Variants in SSH2 observed in about 807,000 individuals in gnomAD.
The protein encoded by SSH2 is slingshot protein phosphatase 2, also known as protein phosphatase Slingshot homolog 2.
In SSH2, 37 loss-of-function variants were observed where a neutral mutation model predicts 135.2. The ratio of observed to expected loss-of-function variants is 0.27; its 90% CI spans 0.21 to 0.36. SSH2 has a LOEUF of 0.36. Among genes scored for constraint, SSH2 ranks in the 10% least tolerant of loss-of-function variants. The pLI, the probability that SSH2 is intolerant of heterozygous loss-of-function variation, is 1.00. For missense variants in SSH2, 1,408 were observed against 1,765.3 expected (o/e 0.80, Z 3.63); for synonymous variants, 628 against 646.2 (o/e 0.97, Z 0.43).
At chr17:29,834,515 T>C (rs1390308747) in intron 2 of SSH2, among the ~76,000 whole-genome samples, 2 of 152,150 alleles carry the variant, frequency 1.3e-5, no homozygotes, top group African/African-American at 4.8e-5. Flanking sequence ...CTCTTTGTCA[T>C]GTGTTGAAAG....
chr17:29,762,751 C>T (rs1364807451), intron 3 of SSH2, among the ~76,000 whole-genome samples: 1 of 152,188 alleles, frequency 6.6e-6, no homozygotes, highest in Admixed American at 6.5e-5. Flanking sequence ...ACAAATGGGG[C>T]TGGCATGGTG....
intron 1 of SSH2, among the ~76,000 whole-genome samples, chr17:29,908,772 A>G (rs2066705734): frequency 7.0e-6 from 1 of 142,728 alleles, no homozygotes; most frequent in Non-Finnish European, 1.5e-5. Flanking sequence ...TGAAAAAAAA[A>G]AAAAAAAAAA....
At chr17:29,774,779 G>A (rs1186875495) in intron 3 of SSH2, among the ~76,000 whole-genome samples, 2 of 152,118 alleles carry the variant, frequency 1.3e-5, no homozygotes, top group Non-Finnish European at 2.9e-5. Flanking sequence ...TAATCATCCG[G>A]TCATGAATTA....
chr17:29,632,362 G>A lies in SSH2; in HGVS notation c.2832C>T (p.Ala944=), dbSNP rs751501810. The change falls in exon 16 of 16, where the codon GCC becomes GCT. Residue 944 remains alanine, a synonymous_variant. Transcript: ENST00000540801. ...DLAPKGKSDE[A]PPEHSFVLKE... ...TGAGGACAAATGAATGTTCTGGGGGGGCTTCATCACTTTTCCCTTTTGGTG... is the reference window on the plus strand; with the variant it reads ...TGAGGACAAATGAATGTTCTGGGGGAGCTTCATCACTTTTCCCTTTTGGTG... 5.6e-6 allele frequency: 9 copies of A among 1,613,862 alleles called. No homozygotes were observed. The highest frequency in any genetic ancestry group is 2.2e-5 in the East Asian group (1 of 44,892).
At chr17:29,822,154 T>C (rs116217302) in intron 2 of SSH2, among the ~76,000 whole-genome samples, 186 of 152,338 alleles carry the variant, frequency 1.2e-3, no homozygotes, top group African/African-American at 4.3e-3. Flanking sequence ...TACCTCTGTG[T>C]ACACAAGCCC....
intron 3 of SSH2, 102 bp from the exon 4 acceptor site, chr17:29,703,164 C>T: frequency 1.2e-6 from 1 of 800,898 alleles, no homozygotes; most frequent in Non-Finnish European, 2.2e-6. Flanking sequence ...TTCCAAAGTC[C>T]CAACTTCATG....
In SSH2 at chr17:29,636,522, C is replaced by T; in HGVS notation, c.1708G>A (p.Glu570Lys). ...ATGTCATTTAAGTTTAATTCATCCT[C>T]AATCTGTCCAGCATGAAATTCCCTA... ...TSREFHAGQI[E>K]DELNLNDING... The change falls in exon 15 of 16, where the codon GAG becomes AAG. Residue 570 changes from glutamate (E) to lysine (K), a missense_variant. Physicochemically the swap from Glu to Lys is moderately conservative, Grantham distance 56. This residue lies in a region of SSH2 where 1,080 missense variants were observed against 1,144.5 expected (regional missense o/e 0.94). Transcript: ENST00000540801. 6.2e-7 allele frequency: 1 copy of T among 1,614,180 alleles called. No individual in the cohort carries two copies. The highest frequency in any genetic ancestry group is 2.2e-5 in the East Asian group (1 of 44,882).
At chr17:29,746,082 G>A (rs1416385343) in intron 3 of SSH2, among the ~76,000 whole-genome samples, 2 of 152,110 alleles carry the variant, frequency 1.3e-5, no homozygotes, top group African/African-American at 2.4e-5. Flanking sequence ...CACAGAGGTA[G>A]GATTAACACA....
intron 11 of SSH2, among the ~76,000 whole-genome samples, chr17:29,657,001 G>C (rs1463764739): frequency 6.6e-6 from 1 of 152,036 alleles, no homozygotes; most frequent in Non-Finnish European, 1.5e-5. Flanking sequence ...TTTTGAGACA[G>C]AGTCACCCAG....
At chr17:29,924,588 T>C (rs1431743074) in intron 1 of SSH2, among the ~76,000 whole-genome samples, 1 of 152,072 alleles carries the variant, frequency 6.6e-6, no homozygotes, top group Non-Finnish European at 1.5e-5. Context: ...GTCCCTATAT[T>C]AATTAGGCAA....
At chr17:29,693,498 G>C (rs1024249467) in intron 5 of SSH2, among the ~76,000 whole-genome samples, 38 of 151,610 alleles carry the variant, frequency 2.5e-4, no homozygotes, top group African/African-American at 9.0e-4. Context: ...TTTTAGTAGA[G>C]ACAGGGTTTT....
intron 11 of SSH2, among the ~76,000 whole-genome samples, chr17:29,666,328 T>A (rs1179207051): frequency 1.3e-5 from 2 of 152,040 alleles, no homozygotes; most frequent in Non-Finnish European, 2.9e-5. Context: ...GAGCTGAGAC[T>A]GTGCTACTAC....
intron 3 of SSH2, among the ~76,000 whole-genome samples, chr17:29,773,587 T>C (rs985434358): frequency 6.6e-6 from 1 of 152,212 alleles, no homozygotes; most frequent in Non-Finnish European, 1.5e-5. Context: ...CATCAGATGG[T>C]TTACACATCG....
At chr17:29,695,407 T>C in intron 5 of SSH2, 52 bp downstream of exon 5, 1 of 1,460,956 alleles carries the variant, frequency 6.8e-7, no homozygotes, top group South Asian at 1.2e-5. Flanking sequence ...CAATTTTGGC[T>C]ATCTTAGATA....
intron 4 of SSH2, among the ~76,000 whole-genome samples, chr17:29,698,531 A>C (rs1435402362): frequency 6.6e-6 from 1 of 151,934 alleles, no homozygotes; most frequent in Non-Finnish European, 1.5e-5. Flanking sequence ...TACCACCCAG[A>C]CTGGAGTACA....
chr17:29,724,581 CTTTTTTT>C (rs560435177), intron 3 of SSH2, among the ~76,000 whole-genome samples: 14 of 76,550 alleles, frequency 1.8e-4, no homozygotes, highest in South Asian at 1.0e-3. Context: ...ATTACCAAAT[CTTTTTTT>C]TTTTTTTTTT....
intron 3 of SSH2, among the ~76,000 whole-genome samples, chr17:29,712,558 C>T (rs1215150402): frequency 6.6e-6 from 1 of 152,208 alleles, no homozygotes; most frequent in East Asian, 1.9e-4. Flanking sequence ...AATCTCAGTA[C>T]TTTGGAAGGC....
chr17:29,846,399 C>T (rs527690739), intron 2 of SSH2, among the ~76,000 whole-genome samples: 164 of 152,260 alleles, frequency 1.1e-3, no homozygotes, highest in Middle Eastern at 3.4e-3. Context: ...AATGAGGTTG[C>T]CCACTGGTGA....
At chr17:29,825,595 T>C (rs1319088049) in intron 2 of SSH2, among the ~76,000 whole-genome samples, 2 of 152,224 alleles carry the variant, frequency 1.3e-5, no homozygotes, top group Non-Finnish European at 2.9e-5. Context: ...GGGACCTTCC[T>C]TGATGGTTAT....
Sources: gnomAD v4.1 joint callset for allele counts (sites outside exome capture counted in the v4.1 genomes callset) on GRCh38, gnomAD v4.1.1 for gene constraint, gnomAD v4.1.1 regional missense constraint, MANE v1.5 for transcripts, NCBI Gene and HGNC (gene_info 2026-07-23, HGNC 2026-07-21) for gene names.